The following GUCY2F variants were observed in gnomAD, a reference collection of about 807,000 sequenced individuals.
GUCY2F encodes guanylate cyclase 2F, retinal.
GUCY2F carries 61 observed loss-of-function variants against 73.1 expected under a neutral mutation model. That is an observed-to-expected ratio of 0.83 (90% CI 0.68 to 1.03). The LOEUF (loss-of-function observed/expected upper bound fraction) is 1.03, where lower values mean the gene tolerates loss of function less well. GUCY2F is among the 50% of genes least tolerant of loss of function. GUCY2F has a pLI of 0.00. For missense variants in GUCY2F, 912 were observed against 854.3 expected (o/e 1.07, Z -0.84); for synonymous variants, 331 against 307.8 (o/e 1.08, Z -0.79).
chrX:109,376,295 C>T lies in GUCY2F; in HGVS notation c.3151-128G>A, dbSNP rs751798826. ...AGTCTTCCTCCCTACGGGGCTGAGC[C>T]AGAGCAGCCAGATGAAAAGTGAACA... On this transcript the variant is annotated intron_variant, in intron 17 of 19. Coordinates refer to ENST00000218006, the MANE Select transcript of GUCY2F (RefSeq NM_001522.3). 27 of 463,176 alleles carry T rather than the reference C, an allele frequency of 5.8e-5. No individual in the cohort carries two copies. In the East Asian group the frequency reaches 9.0e-4, roughly 15 times the overall value. The allele number at this position is 463,176 out of a possible 1,213,427, so 38.2% of individuals were successfully genotyped here.
intron 7 of GUCY2F, among the ~76,000 whole-genome samples, chrX:109,440,067 T>C (rs1443488420): frequency 1.8e-5 from 2 of 112,317 alleles, no homozygotes; most frequent in Non-Finnish European, 3.8e-5. Flanking sequence ...TGGTACCAAT[T>C]TCTGTCTTAG....
intron 3 of GUCY2F, among the ~76,000 whole-genome samples, chrX:109,461,152 A>G (rs915672512): frequency 2.7e-5 from 3 of 111,870 alleles, no homozygotes; most frequent in Admixed American, 1.9e-4. Context: ...CTCCTCAACT[A>G]TAATAGTAAT....
At position 109,404,498 on chromosome X, in the gene GUCY2F, A is replaced by G; in HGVS notation, c.1969-14T>C. On this transcript the variant is annotated splice_polypyrimidine_tract_variant and intron_variant, in intron 9 of 19. Coordinates refer to ENST00000218006, the MANE Select transcript of GUCY2F (RefSeq NM_001522.3). ...GTACTTCATGCCCTGTAGATGACAC[A>G]ACAGGATTTATTTAGCAACTCATTT... 1 of 1,130,426 alleles carries G rather than the reference A, an allele frequency of 8.8e-7. No individual in the cohort carries two copies. Among genetic ancestry groups the G allele is most frequent in the Non-Finnish European group, 1.2e-6 (1 of 833,102 alleles). 93.2% of individuals were successfully genotyped at this position (1,130,426 alleles called of 1,213,427 possible).
At chrX:109,426,286 G>C (rs1263896847) in intron 8 of GUCY2F, among the ~76,000 whole-genome samples, 1 of 112,576 alleles carries the variant, frequency 8.9e-6, no homozygotes, top group Non-Finnish European at 1.9e-5. Flanking sequence ...GCAGAGGTCA[G>C]TAGACTGGAA....
intron 3 of GUCY2F, among the ~76,000 whole-genome samples, chrX:109,458,478 C>A (rs1932302757): frequency 1.8e-5 from 2 of 111,521 alleles, no homozygotes; most frequent in African/African-American, 6.5e-5. Flanking sequence ...TATACAACAG[C>A]TGCTATTATT....
chrX:109,404,990 G>T (rs1930939813), intron 9 of GUCY2F, among the ~76,000 whole-genome samples: 1 of 112,342 alleles, frequency 8.9e-6, no homozygotes, highest in African/African-American at 3.2e-5. Flanking sequence ...AATGCTTGTT[G>T]TAGCTTTGCT....
chrX:109,466,424 C>T (rs771735485), intron 2 of GUCY2F, among the ~76,000 whole-genome samples: 2 of 111,529 alleles, frequency 1.8e-5, no homozygotes, highest in South Asian at 7.5e-4. Context: ...TTACTATGGA[C>T]TCAATTTAAT....
At chrX:109,409,315 T>TA in intron 8 of GUCY2F, 147 bp from the exon 9 acceptor site, 1 of 418,835 alleles carries the variant, frequency 2.4e-6, no homozygotes, top group Non-Finnish European at 4.1e-6. Flanking sequence ...CTCCAACCCC[T>TA]AGTGTTACTC....
intron 8 of GUCY2F, among the ~76,000 whole-genome samples, chrX:109,419,348 C>T (rs899682249): frequency 9.0e-6 from 1 of 110,512 alleles, no homozygotes; most frequent in Admixed American, 9.6e-5. Context: ...GATAATATAT[C>T]GTGACCAAGT....
At chrX:109,468,895 C>G (rs936918775) in intron 2 of GUCY2F, among the ~76,000 whole-genome samples, 5 of 111,785 alleles carry the variant, frequency 4.5e-5, no homozygotes, top group Non-Finnish European at 9.4e-5. Context: ...TACATCTGTT[C>G]TACAAGATAA....
intron 17 of GUCY2F, among the ~76,000 whole-genome samples, chrX:109,381,754 C>T (rs1370063916): frequency 2.7e-5 from 3 of 112,065 alleles, no homozygotes; most frequent in Admixed American, 9.4e-5. Context: ...ATTACTATGG[C>T]TTATTGAACA....
chrX:109,395,554 A>G lies in GUCY2F; in HGVS notation c.2276-65T>C, dbSNP rs369447499. On this transcript the variant is annotated intron_variant, in intron 11 of 19. Transcript: ENST00000218006. ...AAAAAATGACCAAGATTTGGCAAAG[A>G]TAACTGACTTTTAGCCAAGAAGGGG... 1.1e-4 allele frequency: 104 copies of G among 990,074 alleles called. No homozygotes were observed. In the South Asian group the frequency reaches 2.0e-3, roughly 19 times the overall value. 81.6% of individuals were successfully genotyped at this position (990,074 alleles called of 1,213,427 possible). A position where few individuals can be genotyped will look rare whatever the true frequency, so the allele number is the denominator to read the frequency against.
intron 6 of GUCY2F, among the ~76,000 whole-genome samples, chrX:109,444,485 T>C (rs57887231): frequency 0.058 from 6,493 of 111,719 alleles, 430 homozygotes; most frequent in African/African-American, 0.19. Flanking sequence ...TTTGTATACT[T>C]TTCCTACATC....
intron 8 of GUCY2F, among the ~76,000 whole-genome samples, chrX:109,418,879 A>G (rs1398149982): frequency 9.0e-6 from 1 of 111,022 alleles, no homozygotes; most frequent in African/African-American, 3.2e-5. Context: ...AAAGAAAAAG[A>G]AAAAATTATT....
At chrX:109,451,405 G>A (rs921634875) in intron 5 of GUCY2F, among the ~76,000 whole-genome samples, 3 of 111,680 alleles carry the variant, frequency 2.7e-5, no homozygotes, top group African/African-American at 9.8e-5. Context: ...TGGACAAAAG[G>A]CATGAGTATC....
At chrX:109,425,396 A>T (rs186677419) in intron 8 of GUCY2F, among the ~76,000 whole-genome samples, 50 of 107,711 alleles carry the variant, frequency 4.6e-4, no homozygotes, top group South Asian at 8.0e-4. Context: ...GTATATATAT[A>T]TATTATATGT....
At chrX:109,434,096 GGA>G (rs771384734) in intron 7 of GUCY2F, among the ~76,000 whole-genome samples, 7 of 110,608 alleles carry the variant, frequency 6.3e-5, no homozygotes. Flanking sequence ...AGAGATGAAT[GGA>G]GAGAGAGAAA....
intron 3 of GUCY2F, among the ~76,000 whole-genome samples, chrX:109,461,866 A>T (rs1234582743): frequency 8.9e-6 from 1 of 112,521 alleles, no homozygotes; most frequent in Non-Finnish European, 1.9e-5. Context: ...AGCACATCAG[A>T]GGTGCTCAAT....
At chrX:109,430,129 T>C (rs769945061) in intron 8 of GUCY2F, among the ~76,000 whole-genome samples, 178 bp downstream of exon 8, 15 of 112,222 alleles carry the variant, frequency 1.3e-4, no homozygotes, top group Admixed American at 6.6e-4. Context: ...TCATGTCTCT[T>C]TGACTCCAGA....
Sources: gnomAD v4.1 joint callset for allele counts (sites outside exome capture counted in the v4.1 genomes callset) on GRCh38, gnomAD v4.1.1 for gene constraint, MANE v1.5 for transcripts, NCBI Gene and HGNC (gene_info 2026-07-23, HGNC 2026-07-21) for gene names.